RNF44: variants seen among roughly 807,000 people sequenced by gnomAD.
RNF44 encodes ring finger protein 44.
Under a neutral mutation model 53.6 loss-of-function variants are expected in RNF44, and 25 were observed. The ratio of observed to expected loss-of-function variants is 0.47; its 90% CI spans 0.34 to 0.65. RNF44 has a LOEUF of 0.65. Among genes scored for constraint, RNF44 ranks in the 30% least tolerant of loss-of-function variants. The probability of loss-of-function intolerance (pLI) is 0.01; values close to 1 mark genes in which losing one functional copy is unlikely to be tolerated. For synonymous variants in RNF44, 282 were observed against 252.2 expected, an observed-to-expected ratio of 1.12 and a Z score of -1.12; for missense variants, 581 against 595.5, an observed-to-expected ratio of 0.98 and a Z score of 0.25.
Position 176,530,877 on chromosome 5 carries a change from C to A in RNF44, c.610G>T (p.Val204Leu). 1.8e-6 allele frequency: 2 copies of A among 1,099,790 alleles called. No individual in the cohort carries two copies. The highest frequency in any genetic ancestry group is 5.6e-5 in the South Asian group (2 of 35,904). The allele number at this position is 1,099,790 out of a possible 1,614,324, so 68.1% of individuals were successfully genotyped here. Residue 204 changes from valine (V) to leucine (L), a missense_variant, in exon 5 of 11, where the codon GTG becomes TTG. Around this residue, in one of 3 missense-constraint regions of RNF44, gnomAD observed 387 missense variants for 366.0 expected, o/e 1.06. Transcript: ENST00000274811. ...CGAGGGTGCTGGGTCTGCAGAGACA[C>A]AAACTGCCCCAGGGGCGCCATGTGG... ...PTHMAPLGQF[V>L]SLQTQHPRMP...
chr5:176,532,533 C>T lies in RNF44; in HGVS notation c.-44-17G>A. The T allele has an allele frequency of 6.8e-7, 1 of 1,471,702 alleles. No homozygotes were observed. The highest frequency in any genetic ancestry group is 9.0e-7 in the Non-Finnish European group (1 of 1,115,470). 91.2% of individuals were successfully genotyped at this position (1,471,702 alleles called of 1,614,324 possible). ...CTCACAACCCTAGGAGGCAAGGAGACAAGAAGACTGAGGCACCTGGCCAAC... is the reference window on the plus strand; with the variant it reads ...CTCACAACCCTAGGAGGCAAGGAGATAAGAAGACTGAGGCACCTGGCCAAC... On this transcript the variant is annotated splice_polypyrimidine_tract_variant and intron_variant, in intron 1 of 10. Transcript: ENST00000274811.
intron 1 of RNF44, among the ~76,000 whole-genome samples, chr5:176,534,490 C>T (rs985881913): frequency 7.2e-5 from 11 of 152,228 alleles, no homozygotes; most frequent in African/African-American, 1.7e-4. Context: ...AAGCAAACAA[C>T]GGCCAAGGGA....
Position 176,531,381 on chromosome 5 carries a change from G to T in RNF44, c.465+82C>A. The T allele has an allele frequency of 7.1e-7, 1 of 1,401,266 alleles. No individual in the cohort carries two copies. The highest frequency in any genetic ancestry group is 1.4e-5 in the South Asian group (1 of 73,238). 86.8% of individuals were successfully genotyped at this position (1,401,266 alleles called of 1,614,324 possible). A position where few individuals can be genotyped will look rare whatever the true frequency, so the allele number is the denominator to read the frequency against. Reference sequence around the variant, plus strand: ...TGGCTGGATAGCTCAGCCCAGTTCAGGGCTGCCCTGGGCCCGCTGAGCCGC... The same window carrying T: ...TGGCTGGATAGCTCAGCCCAGTTCATGGCTGCCCTGGGCCCGCTGAGCCGC... On this transcript the variant is annotated intron_variant, in intron 4 of 10. Transcript: ENST00000274811. This position sits in a 1 kb window ranked among gnomAD's most constrained non-coding sequence, Gnocchi z 4.2.
intron 9 of RNF44, 63 bp downstream of exon 9, chr5:176,529,458 TGA>T: frequency 4.4e-6 from 7 of 1,607,346 alleles, no homozygotes; most frequent in African/African-American, 1.3e-5. Context: ...GTGACTCCCC[TGA>T]GAGGGGCGTC....
chr5:176,541,154 G>A (rs141966327), upstream of RNF44, among the ~76,000 whole-genome samples: 720 of 152,314 alleles, frequency 4.7e-3, 1 homozygote, highest in Non-Finnish European at 8.1e-3. Flanking sequence ...GATGGGAGTG[G>A]CCCACCTCTG....
In RNF44 at chr5:176,531,719, T is replaced by C. The variant is rs1756685846; in HGVS notation, c.298-89A>G. On this transcript the variant is annotated intron_variant, in intron 3 of 10. Coordinates refer to ENST00000274811, the MANE Select transcript of RNF44 (RefSeq NM_014901.5). The surrounding 1 kb of genome is among the most constrained non-coding windows in gnomAD (Gnocchi z 4.2). ...GAGAAATCATCCTGCCACATCCAGC[T>C]GCCGGCTCCCTTCCCTTCTCCACGG... is the stretch of plus-strand genomic sequence containing the variant. 5.2e-6 allele frequency: 7 copies of C among 1,357,178 alleles called. No individual in the cohort carries two copies. In the South Asian group the frequency reaches 9.8e-5, roughly 19 times the overall value. The allele number at this position is 1,357,178 out of a possible 1,614,324, so 84.1% of individuals were successfully genotyped here.
At chr5:176,529,479 G>C (rs1425121685) in intron 9 of RNF44, 44 bp downstream of exon 9, 1 of 1,610,368 alleles carries the variant, frequency 6.2e-7, no homozygotes, top group Non-Finnish European at 8.5e-7. Context: ...TCCCACGGCA[G>C]CCAGCTGTGT....
chr5:176,532,586 T>C, intron 1 of RNF44, 70 bp from the exon 2 acceptor site: 3 of 1,331,296 alleles, frequency 2.3e-6, no homozygotes, highest in Non-Finnish European at 3.0e-6. Flanking sequence ...CTGCTAAAAA[T>C]ACAAAAACTA....
In RNF44 at chr5:176,527,550, C is replaced by T. The variant is rs1756136280; in HGVS notation, c.*1478G>A. On this transcript the variant is annotated 3_prime_UTR_variant, in exon 11 of 11. Coordinates refer to ENST00000274811, the MANE Select transcript of RNF44 (RefSeq NM_014901.5). ...TATATACAGTAAGACTTTGGGTTCT[C>T]CATGGGGGTGGGACCAGGCTGACGG... 1 of 152,402 alleles carries T rather than the reference C, an allele frequency of 6.6e-6. No homozygotes were observed. The highest frequency in any genetic ancestry group is 1.5e-5 in the Non-Finnish European group (1 of 68,032). The allele number at this position is 152,402 out of a possible 1,614,324, so 9.4% of individuals were successfully genotyped here. A position where few individuals can be genotyped will look rare whatever the true frequency, so the allele number is the denominator to read the frequency against.
chr5:176,530,884 C>T lies in RNF44; in HGVS notation c.603G>A (p.Gly201=). The change falls in exon 5 of 11, where the codon GGG becomes GGA. Residue 201 remains glycine, a synonymous_variant. Transcript: ENST00000274811. Reference sequence around the variant, plus strand: ...GCTGGGTCTGCAGAGACACAAACTGCCCCAGGGGCGCCATGTGGGTGGGCT... The same window carrying T: ...GCTGGGTCTGCAGAGACACAAACTGTCCCAGGGGCGCCATGTGGGTGGGCT... ...PPQPTHMAPL[G]QFVSLQTQHP... 1 of 1,352,336 alleles carries T rather than the reference C, an allele frequency of 7.4e-7. No homozygotes were observed. Among genetic ancestry groups the T allele is most frequent in the Non-Finnish European group, 9.6e-7 (1 of 1,045,856 alleles). 83.8% of individuals were successfully genotyped at this position (1,352,336 alleles called of 1,614,324 possible).
rs114997588 is a variant in RNF44 at position 176,528,776 on chromosome 5, G to A, written c.*252C>T. ...CTGAGGGTGCACAGGAGGGAGACCC[G>A]ATCAGGGACACTCAGGCAGCTCCGT... On this transcript the variant is annotated 3_prime_UTR_variant, in exon 11 of 11. Transcript: ENST00000274811. The A allele has an allele frequency of 0.012, 7,136 of 573,604 alleles. 70 individuals are homozygous for A. Among genetic ancestry groups the A allele is most frequent in the Non-Finnish European group, 0.017 (5,429 of 322,174 alleles). 35.5% of individuals were successfully genotyped at this position (573,604 alleles called of 1,614,324 possible).
At chr5:176,539,672 A>G (rs951787812), upstream of RNF44, among the ~76,000 whole-genome samples, 43 of 151,292 alleles carry the variant, frequency 2.8e-4, no homozygotes, top group South Asian at 9.0e-3. Flanking sequence ...TGGGTGACAG[A>G]GCGAGACTCC....
intron 1 of RNF44, among the ~76,000 whole-genome samples, chr5:176,532,988 G>A (rs554368240): frequency 2.0e-5 from 3 of 152,270 alleles, no homozygotes; most frequent in South Asian, 2.1e-4. Flanking sequence ...CCTCAGTTGC[G>A]GAGCTCAGCG....
rs946663607 is a variant in RNF44, at chr5:176,527,085, T to A, written c.*1943A>T. On this transcript the variant is annotated 3_prime_UTR_variant, in exon 11 of 11. Coordinates refer to ENST00000274811, the MANE Select transcript of RNF44 (RefSeq NM_014901.5). ...TTCTACATATATATGTAATTTTATA[T>A]ATATATAAAACCTTTCTAACACAGA... 4 of 152,152 alleles carry A rather than the reference T, an allele frequency of 2.6e-5. No homozygotes were observed. Among genetic ancestry groups the A allele is most frequent in the Non-Finnish European group, 5.9e-5 (4 of 68,018 alleles). 9.4% of individuals were successfully genotyped at this position (152,152 alleles called of 1,614,324 possible).
chr5:176,540,191 G>A (rs1466203347), upstream of RNF44, among the ~76,000 whole-genome samples: 1 of 152,136 alleles, frequency 6.6e-6, no homozygotes, highest in Non-Finnish European at 1.5e-5. Flanking sequence ...CTGGCTGAAG[G>A]GGTTTGGCTT....
rs1440230358 is a variant in RNF44, at chr5:176,527,360, G to A, written c.*1668C>T. 2.0e-5 allele frequency: 3 copies of A among 152,532 alleles called. No individual in the cohort carries two copies. The highest frequency in any genetic ancestry group is 1.3e-4 in the Admixed American group (2 of 15,276). 9.4% of individuals were successfully genotyped at this position (152,532 alleles called of 1,614,324 possible). A position where few individuals can be genotyped will look rare whatever the true frequency, so the allele number is the denominator to read the frequency against. ...ATAGCTGCTTGTTGGAATCACTGCT[G>A]CAGCCGACACACAATCTGTGAGCCT... On this transcript the variant is annotated 3_prime_UTR_variant, in exon 11 of 11. Transcript: ENST00000274811.
chr5:176,533,465 G>A (rs1756889715), intron 1 of RNF44, among the ~76,000 whole-genome samples: 1 of 152,168 alleles, frequency 6.6e-6, no homozygotes, highest in Non-Finnish European at 1.5e-5. Context: ...AAGCTGGGAG[G>A]TGGGCCAAAG....
upstream of RNF44, among the ~76,000 whole-genome samples, chr5:176,538,591 C>G (rs556709119): frequency 9.9e-5 from 15 of 152,224 alleles, no homozygotes; most frequent in African/African-American, 3.6e-4. Flanking sequence ...GGGCAGTTAC[C>G]ACAAAGAGGC....
chr5:176,532,053 A>C lies in RNF44; in HGVS notation c.248T>G (p.Leu83Arg). The C allele has an allele frequency of 1.2e-6, 2 of 1,610,664 alleles. No homozygotes were observed. The highest frequency in any genetic ancestry group is 1.7e-6 in the Non-Finnish European group (2 of 1,178,608). The part of the protein sequence containing the change: ...SAPAGGSPRM[L>R]HPATQQSPFM... The stretch of plus-strand genomic sequence containing the variant: ...CGGGCTCTGCTGGGTGGCTGGGTGC[A>C]GCATTCGGGGGCTCCCGCCGGCAGG... Residue 83 changes from leucine (L) to arginine (R), a missense_variant, in exon 3 of 11, where the codon CTG becomes CGG. Leu to Arg is a moderately radical substitution (Grantham distance 102). Coordinates refer to ENST00000274811, the MANE Select transcript of RNF44 (RefSeq NM_014901.5).
Sources: allele counts gnomAD v4.1 joint callset (sites outside exome capture counted in the v4.1 genomes callset), GRCh38; gene constraint gnomAD v4.1.1; regional missense constraint gnomAD v4.1.1; non-coding constraint Gnocchi (gnomAD v3.1); transcripts MANE v1.5; gene names NCBI Gene and HGNC (gene_info 2026-07-23, HGNC 2026-07-21).